Variants in CSMD1 observed in about 807,000 individuals in gnomAD.
CSMD1 encodes CUB and sushi domain-containing protein 1.
A neutral mutation model predicts 417.5 loss-of-function variants in CSMD1; 213 were observed. The observed-to-expected ratio is 0.51, with a 90% CI of 0.46 to 0.57. The LOEUF is 0.57. CSMD1 is among the 20% of genes least tolerant of loss of function. The probability of loss-of-function intolerance (pLI) is 0.00; values close to 1 mark genes in which losing one functional copy is unlikely to be tolerated. For missense variants in CSMD1, 6,923 were observed against 4,529.7 expected (o/e 1.53, Z -15.17); for synonymous variants, 2,862 against 1,736.8 (o/e 1.65, Z -16.11).
intron 2 of CSMD1, among the ~76,000 whole-genome samples, chr8:4,448,982 G>A (rs1173221520): frequency 6.6e-6 from 1 of 152,138 alleles, no homozygotes; most frequent in Non-Finnish European, 1.5e-5. Flanking sequence ...AGGTACAAAT[G>A]GATAGTAGTC....
Position 3,705,042 on chromosome 8 carries a change from G to C in CSMD1, c.1009+3372C>G, listed in dbSNP as rs573316880. The stretch of plus-strand genomic sequence containing the variant: ...AACCTTGAACATTTTCTATCACCAT[G>C]ACAGGGTCCCACCAGGAAACAGATG... On this transcript the variant is annotated intron_variant, in intron 7 of 69. Transcript: ENST00000635120. 5.3e-5 allele frequency among the ~76,000 whole-genome samples: 8 copies of C among 152,282 alleles called. No homozygotes were observed. The South Asian group carries it at 1.4e-3, about 28-fold the overall frequency.
chr8:4,089,228 G>C (rs1168126008), intron 3 of CSMD1, among the ~76,000 whole-genome samples: 1 of 152,144 alleles, frequency 6.6e-6, no homozygotes. Flanking sequence ...GCTCCATAAG[G>C]ACATGGGTCA....
At chr8:3,092,443 C>A (rs1198171731) in intron 47 of CSMD1, among the ~76,000 whole-genome samples, 1 of 152,098 alleles carries the variant, frequency 6.6e-6, no homozygotes, top group Admixed American at 6.6e-5. Flanking sequence ...ATAACCATGA[C>A]CCATGCAACT....
At chr8:4,033,015 G>C (rs749893758) in intron 3 of CSMD1, among the ~76,000 whole-genome samples, 8 of 148,056 alleles carry the variant, frequency 5.4e-5, no homozygotes, top group African/African-American at 9.9e-5. Flanking sequence ...TGGAGGCTTT[G>C]TATGCATGAT....
intron 47 of CSMD1, 38 bp from the exon 48 acceptor site, chr8:3,091,700 G>C: frequency 6.3e-7 from 1 of 1,584,044 alleles, no homozygotes; most frequent in East Asian, 2.3e-5. Context: ...TCAGAGATGA[G>C]TGAGCACCTA....
At chr8:3,051,755 C>G (rs1331113659) in intron 50 of CSMD1, among the ~76,000 whole-genome samples, 4 of 152,074 alleles carry the variant, frequency 2.6e-5, no homozygotes, top group Non-Finnish European at 5.9e-5. Flanking sequence ...TACATTATTT[C>G]CAATTTGAGT....
At chr8:3,725,880 A>G (rs1184321988) in intron 6 of CSMD1, among the ~76,000 whole-genome samples, 1 of 152,310 alleles carries the variant, frequency 6.6e-6, no homozygotes, top group South Asian at 2.1e-4. Flanking sequence ...ATTATTAAAC[A>G]TGCCCTTGAA....
chr8:4,423,880 T>A (rs534523259), intron 2 of CSMD1, among the ~76,000 whole-genome samples: 4 of 152,156 alleles, frequency 2.6e-5, no homozygotes, highest in Admixed American at 2.6e-4. Flanking sequence ...AACCCGTATG[T>A]CAATGGATCA....
At chr8:3,676,867 G>C (rs1251492433) in intron 7 of CSMD1, among the ~76,000 whole-genome samples, 1 of 152,092 alleles carries the variant, frequency 6.6e-6, no homozygotes, top group Non-Finnish European at 1.5e-5. Context: ...CATGGATGAA[G>C]CTGGAAACCA....
At chr8:4,152,811 C>T (rs925754626) in intron 3 of CSMD1, among the ~76,000 whole-genome samples, 1 of 151,996 alleles carries the variant, frequency 6.6e-6, no homozygotes, top group Middle Eastern at 3.4e-3. Flanking sequence ...CACACATACA[C>T]GTATAGTGAG....
chr8:3,694,882 G>C (rs1315473362), intron 7 of CSMD1, among the ~76,000 whole-genome samples: 1 of 152,072 alleles, frequency 6.6e-6, no homozygotes, highest in Non-Finnish European at 1.5e-5. Context: ...AAACCTGCTG[G>C]ATTCATTCTG....
chr8:3,466,390 G>A (rs1457543386), intron 12 of CSMD1, among the ~76,000 whole-genome samples: 1 of 151,486 alleles, frequency 6.6e-6, no homozygotes, highest in Non-Finnish European at 1.5e-5. Flanking sequence ...GTGAATATAT[G>A]CTGTATATAT....
At position 4,320,243 on chromosome 8, in the gene CSMD1, A is replaced by G. The variant is rs368279431; in HGVS notation, c.415+99710T>C. 1.4e-4 allele frequency among the ~76,000 whole-genome samples: 22 copies of G among 152,348 alleles called. 1 individual carries two copies. Among genetic ancestry groups the G allele is most frequent in the African/African-American group, 4.3e-4 (18 of 41,580 alleles). ...AGCAAAAATTACCAGGCATGAAAAG[A>G]AACAGGAAAATAAGACCCACAACAA... On this transcript the variant is annotated intron_variant, in intron 3 of 69. Transcript: ENST00000635120.
intron 5 of CSMD1, among the ~76,000 whole-genome samples, chr8:3,908,341 A>G (rs1044865073): frequency 1.3e-5 from 2 of 152,198 alleles, no homozygotes; most frequent in Non-Finnish European, 2.9e-5. Context: ...TTTTTACTGA[A>G]TATTTTATGC....
chr8:3,139,524 T>A (rs145127599), intron 41 of CSMD1, among the ~76,000 whole-genome samples: 136 of 152,146 alleles, frequency 8.9e-4, no homozygotes, highest in African/African-American at 3.2e-3. Context: ...CAATAGAAGA[T>A]CTTGTCGATA....
chr8:4,368,758 G>A (rs1432825335), intron 3 of CSMD1, among the ~76,000 whole-genome samples: 2 of 152,088 alleles, frequency 1.3e-5, no homozygotes, highest in South Asian at 2.1e-4. Flanking sequence ...ATACAGAGGT[G>A]CTCATAATAC....
At chr8:3,958,238 T>A (rs951754065) in intron 5 of CSMD1, among the ~76,000 whole-genome samples, 3 of 152,090 alleles carry the variant, frequency 2.0e-5, no homozygotes, top group Non-Finnish European at 2.9e-5. Flanking sequence ...GAAGATAGAC[T>A]ACGTCTTCCA....
chr8:4,404,908 A>G (rs1235103433), intron 3 of CSMD1, among the ~76,000 whole-genome samples: 3 of 152,188 alleles, frequency 2.0e-5, no homozygotes, highest in Admixed American at 6.5e-5. Context: ...AATTTTTCCA[A>G]AAAGCCTATG....
At position 3,026,580 on chromosome 8, in the gene CSMD1, T is replaced by C. The variant is rs192657119; in HGVS notation, c.7855+2739A>G. Among the ~76,000 whole-genome samples, 1,241 of 151,846 alleles carry C rather than the reference T, an allele frequency of 8.2e-3. 23 individuals are homozygous for C. The highest frequency in any genetic ancestry group is 0.028 in the African/African-American group (1,174 of 41,352). ...TTCACTGGACCTCACCGGACCTCAC[T>C]GGGCTTGACTGGGCCTCACTGGACC... On this transcript the variant is annotated intron_variant, in intron 51 of 69. Transcript: ENST00000635120.
Sources: allele counts gnomAD v4.1 joint callset (sites outside exome capture counted in the v4.1 genomes callset), GRCh38; gene constraint gnomAD v4.1.1; transcripts MANE v1.5; gene names NCBI Gene and HGNC (gene_info 2026-07-23, HGNC 2026-07-21).